The following CCDC73 variants were observed in gnomAD, a reference collection of about 807,000 sequenced individuals.
CCDC73 encodes the protein coiled-coil domain-containing protein 73.
Under a neutral mutation model 116.5 loss-of-function variants are expected in CCDC73, and 95 were observed. The observed-to-expected ratio is 0.82, with a 90% confidence interval of 0.69 to 0.97. The LOEUF is 0.97. Ranked by LOEUF, CCDC73 falls within the 50% of genes least tolerant of loss-of-function variation. The pLI is 0.00. For synonymous variants in CCDC73, 398 were observed against 401.3 expected (o/e 0.99, Z 0.10); for missense variants, 1,066 against 1,206.8 (o/e 0.88, Z 1.73).
the CCDC73 span, among the ~76,000 whole-genome samples, chr11:32,829,119 G>A: frequency 3.7e-4 from 56 of 151,788 alleles, no homozygotes; most frequent in Non-Finnish European, 7.1e-4. Context: ...AAAAAGGAAA[G>A]AAAAAAAATT....
At chr11:32,639,338 AGT>A (rs1295954951) in intron 13 of CCDC73, among the ~76,000 whole-genome samples, 1 of 152,196 alleles carries the variant, frequency 6.6e-6, no homozygotes, top group Non-Finnish European at 1.5e-5. Context: ...GTCCCTGCAG[AGT>A]GTAAGCTCTT....
intron 3 of CCDC73, among the ~76,000 whole-genome samples, chr11:32,714,453 T>G (rs1457778019): frequency 6.6e-6 from 1 of 152,136 alleles, no homozygotes; most frequent in Non-Finnish European, 1.5e-5. Context: ...GCTTTTCTTC[T>G]ATATGACCAA....
chr11:32,655,592 T>A (rs1039332030), intron 9 of CCDC73, among the ~76,000 whole-genome samples: 1 of 152,302 alleles, frequency 6.6e-6, no homozygotes. Flanking sequence ...CTGGAGCTAA[T>A]GTGTTATTTC....
rs771922528 is a variant in CCDC73, at chr11:32,641,975, T to C, written c.1047A>G (p.Arg349=). Residue 349 remains arginine (R), a synonymous_variant, in exon 13 of 18, where the codon AGA becomes AGG. Transcript: ENST00000335185. ...EHEKALGTWK[R]HAEELNGEIN... The stretch of plus-strand genomic sequence containing the variant: ...TTTTTCTATTTAATAAACTTACATG[T>C]CTTTTCCAAGTTCCTAGTGCTTTTT... The C allele has an allele frequency of 2.0e-6, 3 of 1,498,960 alleles. No homozygotes were observed. The highest frequency in any genetic ancestry group is 3.9e-4 in the Middle Eastern group (2 of 5,140). The allele number at this position is 1,498,960 out of a possible 1,614,324, so 92.9% of individuals were successfully genotyped here.
intron 2 of CCDC73, among the ~76,000 whole-genome samples, chr11:32,744,151 ATC>A (rs1384043828): frequency 6.6e-6 from 1 of 152,346 alleles, no homozygotes; most frequent in East Asian, 1.9e-4. Context: ...CCTTTTCTGC[ATC>A]TCTTGAGATA....
chr11:32,817,174 C>T, the CCDC73 span, among the ~76,000 whole-genome samples: 1 of 152,238 alleles, frequency 6.6e-6, no homozygotes, highest in South Asian at 2.1e-4. Context: ...AGAAGAGAAA[C>T]TGCACAGCCA....
At chr11:32,782,687 T>A (rs972849870) in intron 1 of CCDC73, among the ~76,000 whole-genome samples, 3 of 152,184 alleles carry the variant, frequency 2.0e-5, no homozygotes, top group African/African-American at 7.2e-5. Flanking sequence ...GAAATATTAC[T>A]AACACTCTTT....
intron 12 of CCDC73, among the ~76,000 whole-genome samples, chr11:32,652,314 AAAAG>A (rs1007325585): frequency 2.0e-5 from 3 of 148,776 alleles, no homozygotes; most frequent in South Asian, 2.1e-4. Flanking sequence ...AAACAAAAAA[AAAAG>A]AAAGAAAGAA....
chr11:32,698,010 AATTTTTTTTTTTTTTTTTTT>A (rs1849771903), intron 6 of CCDC73, among the ~76,000 whole-genome samples: 2 of 117,758 alleles, frequency 1.7e-5, no homozygotes, highest in Non-Finnish European at 1.7e-5. Flanking sequence ...TCTAACACTG[AATTTTTTTTTTTTTTTTTTT>A]TTTTTTTTTT....
chr11:32,635,610 CTT>C, intron 14 of CCDC73, 84 bp downstream of exon 14: 2 of 1,151,320 alleles, frequency 1.7e-6, no homozygotes, highest in Non-Finnish European at 2.2e-6. Flanking sequence ...AGTTGAGAAA[CTT>C]AAAGTATAAA....
the CCDC73 span, among the ~76,000 whole-genome samples, chr11:32,805,626 C>T: frequency 2.0e-5 from 3 of 152,286 alleles, no homozygotes; most frequent in Admixed American, 2.0e-4. Flanking sequence ...TCCTTCAGAT[C>T]AGATTTATCT....
chr11:32,804,853 A>T, the CCDC73 span, among the ~76,000 whole-genome samples: 1 of 152,248 alleles, frequency 6.6e-6, no homozygotes, highest in African/African-American at 2.4e-5. Flanking sequence ...TACATTAAAA[A>T]GAGACTCCAC....
the CCDC73 span, among the ~76,000 whole-genome samples, chr11:32,816,884 A>T: frequency 2.6e-5 from 4 of 152,238 alleles, no homozygotes; most frequent in East Asian, 7.7e-4. Flanking sequence ...CCTGGGTTCA[A>T]GTGATTCTCC....
At chr11:32,604,674 C>T (rs1011895784) in intron 17 of CCDC73, 6 of 152,248 alleles carry the variant, frequency 3.9e-5, no homozygotes, top group African/African-American at 1.4e-4. Context: ...TATTTCTGGA[C>T]ATTTAAATTG....
the CCDC73 span, chr11:32,830,446 A>G: frequency 2.4e-6 from 3 of 1,234,220 alleles, no homozygotes; most frequent in Non-Finnish European, 3.2e-6. Flanking sequence ...TCAGTTCGAC[A>G]GAAACTCAAA....
chr11:32,699,457 A>G, intron 5 of CCDC73, 132 bp from the exon 6 acceptor site: 1 of 1,143,344 alleles, frequency 8.7e-7, no homozygotes, highest in Non-Finnish European at 1.1e-6. Context: ...AATAATACAA[A>G]GGGTAAAATA....
chr11:32,715,504 A>ACG (rs1245731328), intron 3 of CCDC73, among the ~76,000 whole-genome samples: 2 of 151,672 alleles, frequency 1.3e-5, no homozygotes, highest in Non-Finnish European at 2.9e-5. Flanking sequence ...ACACGCACAC[A>ACG]CACACACACA....
At chr11:32,802,880 G>A in the CCDC73 span, among the ~76,000 whole-genome samples, 2 of 150,450 alleles carry the variant, frequency 1.3e-5, no homozygotes, top group Non-Finnish European at 3.0e-5. Context: ...AGCCTCCCAC[G>A]TAGCTGAGAC....
chr11:32,740,058 C>A (rs1456333785), intron 2 of CCDC73, among the ~76,000 whole-genome samples: 1 of 152,010 alleles, frequency 6.6e-6, no homozygotes, highest in African/African-American at 2.4e-5. Context: ...TACTTTTAAT[C>A]TGTTGTTGAA....
Sources: allele counts gnomAD v4.1 joint callset (sites outside exome capture counted in the v4.1 genomes callset), GRCh38; gene constraint gnomAD v4.1.1; transcripts MANE v1.5; gene names NCBI Gene and HGNC (gene_info 2026-07-23, HGNC 2026-07-21).